The following LRFN5 variants were observed in gnomAD, a reference collection of about 807,000 sequenced individuals.
LRFN5 encodes leucine rich repeat and fibronectin type III domain containing 5.
Under a neutral mutation model 45.6 loss-of-function variants are expected in LRFN5, and 24 were observed. The observed-to-expected ratio is 0.53, with a 90% CI of 0.38 to 0.74. The LOEUF is 0.74. LRFN5 is among the 30% of genes least tolerant of loss of function. LRFN5 has a pLI of 0.00. For missense variants in LRFN5, 776 were observed against 861.5 expected (o/e 0.90, Z 1.24); for synonymous variants, 340 against 313.8 (o/e 1.08, Z -0.88).
At chr14:41,782,502 C>T in intron 2 of LRFN5, among the ~76,000 whole-genome samples, 1 of 152,108 alleles carries the variant, frequency 6.6e-6, no homozygotes, top group Non-Finnish European at 1.5e-5. Flanking sequence ...TTGATAACTG[C>T]AAAACCTGAG....
intron 2 of LRFN5, among the ~76,000 whole-genome samples, chr14:41,786,999 T>C (rs924738163): frequency 1.3e-4 from 20 of 152,020 alleles, no homozygotes; most frequent in African/African-American, 4.8e-4. Flanking sequence ...TTATATATAT[T>C]TAATCTCCTT....
In LRFN5 at chr14:41,772,277, G is replaced by A. The variant is rs74045409; in HGVS notation, c.-21+5248G>A. Among the ~76,000 whole-genome samples, 241 of 152,256 alleles carry A rather than the reference G, an allele frequency of 1.6e-3. 1 individual carries two copies. The highest frequency in any genetic ancestry group is 5.5e-3 in the African/African-American group (230 of 41,556). On this transcript the variant is annotated intron_variant, in intron 2 of 5. Transcript: ENST00000298119. ...CTTCACCTCCAACACTGGGGATTAC[G>A]TTGCAACATAAGTTTTAAAGGAGAC...
intron 1 of LRFN5, among the ~76,000 whole-genome samples, chr14:41,722,931 G>T (rs1181989185): frequency 6.6e-6 from 1 of 152,160 alleles, no homozygotes; most frequent in Non-Finnish European, 1.5e-5. Context: ...GCAAGCACCA[G>T]TGCCAAGGGA....
At chr14:41,722,259 C>T (rs73305569) in intron 1 of LRFN5, among the ~76,000 whole-genome samples, 5,318 of 151,902 alleles carry the variant, frequency 0.035, 315 homozygotes, top group African/African-American at 0.12. Context: ...CCTTCATTTC[C>T]TGGATTGATA....
chr14:41,763,670 G>A (rs989487277), intron 1 of LRFN5, among the ~76,000 whole-genome samples: 2 of 152,120 alleles, frequency 1.3e-5, no homozygotes, highest in Non-Finnish European at 2.9e-5. Flanking sequence ...TTTTATAAAG[G>A]GGAGTTCCCC....
intron 1 of LRFN5, among the ~76,000 whole-genome samples, chr14:41,747,518 A>G (rs1884970881): frequency 6.6e-6 from 1 of 152,050 alleles, no homozygotes; most frequent in African/African-American, 2.4e-5. Context: ...ATATACAAAA[A>G]TTAAACTGGA....
intron 2 of LRFN5, among the ~76,000 whole-genome samples, chr14:41,817,314 TC>T (rs1446055282): frequency 1.3e-5 from 2 of 152,090 alleles, no homozygotes; most frequent in African/African-American, 4.8e-5. Context: ...TATTTTTTTT[TC>T]TTCCCTTTTA....
chr14:41,723,177 G>A (rs974820231), intron 1 of LRFN5, among the ~76,000 whole-genome samples: 3 of 151,968 alleles, frequency 2.0e-5, no homozygotes, highest in African/African-American at 4.8e-5. Flanking sequence ...CCAGGCAAGC[G>A]GATACTCCTA....
chr14:41,711,975 C>T (rs1163363642), intron 1 of LRFN5, among the ~76,000 whole-genome samples: 1 of 152,142 alleles, frequency 6.6e-6, no homozygotes, highest in Non-Finnish European at 1.5e-5. Context: ...AGCTAAATGA[C>T]ACTTCATTAA....
intron 2 of LRFN5, among the ~76,000 whole-genome samples, chr14:41,801,277 G>T (rs966781813): frequency 6.6e-6 from 1 of 152,074 alleles, no homozygotes; most frequent in African/African-American, 2.4e-5. Context: ...TGAGGATTAA[G>T]TATATGTATG....
Position 41,820,206 on chromosome 14 carries a change from G to GT in LRFN5, c.-21+53185dup, listed in dbSNP as rs71105405. ...TTATTTTCGTAGGCCAAATCCCAGAGTTTTTTTTCTAGGTTTTCTTCTAGA... is the reference window on the plus strand; with the variant it reads ...TTATTTTCGTAGGCCAAATCCCAGAGTTTTTTTTTCTAGGTTTTCTTCTAGA... On this transcript the variant is annotated intron_variant, in intron 2 of 5. Transcript: ENST00000298119. Among the ~76,000 whole-genome samples, 1,132 of 151,566 alleles carry GT rather than the reference G, an allele frequency of 7.5e-3. 7 individuals are homozygous for GT. Among genetic ancestry groups the GT allele is most frequent in the Non-Finnish European group, 0.011 (767 of 67,836 alleles).
At chr14:41,829,319 A>G (rs1888400120) in intron 2 of LRFN5, among the ~76,000 whole-genome samples, 1 of 152,038 alleles carries the variant, frequency 6.6e-6, no homozygotes, top group Admixed American at 6.5e-5. Context: ...TTAAATGTCA[A>G]TATTAACAAA....
At position 41,665,609 on chromosome 14, in the gene LRFN5, G is replaced by T. The variant is rs117842147; in HGVS notation, c.-197+57047G>T. Among the ~76,000 whole-genome samples, 314 of 152,124 alleles carry T rather than the reference G, an allele frequency of 2.1e-3. 3 individuals carry two copies. The East Asian group carries it at 0.033, about 16-fold the overall frequency. On this transcript the variant is annotated intron_variant, in intron 1 of 5. Transcript: ENST00000298119. ...TTTGGGATTTTCAGCTCACGAACAA[G>T]TAAACTTTACTATAATAGTATCCTG...
chr14:41,852,305 T>A (rs990616809), intron 2 of LRFN5, among the ~76,000 whole-genome samples: 1 of 151,898 alleles, frequency 6.6e-6, no homozygotes, highest in Non-Finnish European at 1.5e-5. Flanking sequence ...AAGATACATA[T>A]GTAAAGGAAG....
intron 1 of LRFN5, among the ~76,000 whole-genome samples, chr14:41,685,876 GTA>G (rs1882097230): frequency 1.3e-5 from 2 of 152,144 alleles, no homozygotes; most frequent in Admixed American, 1.3e-4. Flanking sequence ...TAGCCTTGTA[GTA>G]TAGTTCAAAG....
intron 1 of LRFN5, among the ~76,000 whole-genome samples, chr14:41,762,348 T>G (rs1885707316): frequency 6.6e-6 from 1 of 152,172 alleles, no homozygotes; most frequent in African/African-American, 2.4e-5. Flanking sequence ...GACATTTACA[T>G]TAAGCAATAA....
intron 2 of LRFN5, among the ~76,000 whole-genome samples, chr14:41,809,953 A>G (rs1324159705): frequency 6.6e-6 from 1 of 152,030 alleles, no homozygotes; most frequent in Admixed American, 6.6e-5. Flanking sequence ...AGGGAAGCCA[A>G]GTTTACCAAA....
chr14:41,650,259 A>ACC, intron 1 of LRFN5, among the ~76,000 whole-genome samples: 1 of 145,308 alleles, frequency 6.9e-6, no homozygotes, highest in East Asian at 2.1e-4. Context: ...ACACACACAC[A>ACC]CACACACAAA....
chr14:41,771,899 A>G (rs1156808566), intron 2 of LRFN5, among the ~76,000 whole-genome samples: 1 of 152,166 alleles, frequency 6.6e-6, no homozygotes, highest in Non-Finnish European at 1.5e-5. Flanking sequence ...GCTTAATACC[A>G]ATTATCTGTG....
Sources: gnomAD v4.1 joint callset for allele counts (sites outside exome capture counted in the v4.1 genomes callset) on GRCh38, gnomAD v4.1.1 for gene constraint, MANE v1.5 for transcripts, NCBI Gene and HGNC (gene_info 2026-07-23, HGNC 2026-07-21) for gene names.